DPYS: variants seen among roughly 807,000 people sequenced by gnomAD.
The protein encoded by DPYS is dihydropyrimidinase.
A neutral mutation model predicts 50.3 loss-of-function variants in DPYS; 39 were observed. The observed-to-expected ratio is 0.78, with a 90% CI of 0.60 to 1.01. The LOEUF (loss-of-function observed/expected upper bound fraction) is 1.01, where lower values mean the gene tolerates loss of function less well. Ranked by LOEUF, DPYS falls within the 50% of genes least tolerant of loss-of-function variation. The pLI, the probability that DPYS is intolerant of heterozygous loss-of-function variation, is 0.00. For synonymous variants in DPYS, 245 were observed against 250.7 expected (o/e 0.98, Z 0.22); for missense variants, 659 against 680.9 (o/e 0.97, Z 0.36).
intron 8 of DPYS, among the ~76,000 whole-genome samples, chr8:104,389,538 T>C (rs2140513350): frequency 7.7e-6 from 1 of 130,356 alleles, no homozygotes; most frequent in Middle Eastern, 3.9e-3. Flanking sequence ...TTCTTCCTTT[T>C]ATTTTTTTTT....
chr8:104,458,433 C>A (rs541655445), intron 1 of DPYS, among the ~76,000 whole-genome samples: 1 of 152,290 alleles, frequency 6.6e-6, no homozygotes, highest in South Asian at 2.1e-4. Context: ...ATGTTCTTCC[C>A]TCCTCTACCC....
chr8:104,454,196 G>A (rs1813850683), intron 1 of DPYS, among the ~76,000 whole-genome samples: 1 of 152,072 alleles, frequency 6.6e-6, no homozygotes, highest in Non-Finnish European at 1.5e-5. Context: ...GACAAGCCTG[G>A]CCAACATGGT....
intron 7 of DPYS, among the ~76,000 whole-genome samples, chr8:104,400,602 G>C (rs1758095418): frequency 6.6e-6 from 1 of 152,234 alleles, no homozygotes; most frequent in African/African-American, 2.4e-5. Flanking sequence ...GAGTGAGGCT[G>C]AGTTCCTGGC....
intron 7 of DPYS, among the ~76,000 whole-genome samples, chr8:104,421,870 T>C (rs16892398): frequency 0.02 from 3,065 of 152,308 alleles, 99 homozygotes; most frequent in African/African-American, 0.07. Context: ...GACAATGTTA[T>C]AGAAATCAGT....
intron 8 of DPYS, among the ~76,000 whole-genome samples, chr8:104,389,319 A>C (rs1391219372): frequency 1.3e-5 from 2 of 152,234 alleles, no homozygotes; most frequent in Non-Finnish European, 2.9e-5. Context: ...ACCTCATGTG[A>C]ATTTAAAAAT....
chr8:104,398,312 C>T (rs1298012014), intron 7 of DPYS, among the ~76,000 whole-genome samples: 1 of 152,216 alleles, frequency 6.6e-6, no homozygotes, highest in East Asian at 1.9e-4. Flanking sequence ...ATTCTAGCAG[C>T]AGGATCTGAG....
intron 7 of DPYS, among the ~76,000 whole-genome samples, chr8:104,403,789 C>T (rs1254710402): frequency 6.6e-6 from 1 of 152,168 alleles, no homozygotes; most frequent in Non-Finnish European, 1.5e-5. Flanking sequence ...GGAAAGTCTA[C>T]AGTCAAGCCA....
chr8:104,430,138 C>G (rs896389490), intron 4 of DPYS, among the ~76,000 whole-genome samples: 3 of 152,066 alleles, frequency 2.0e-5, no homozygotes, highest in Non-Finnish European at 4.4e-5. Flanking sequence ...GAATTTGACT[C>G]CAGTGGTTCT....
intron 7 of DPYS, among the ~76,000 whole-genome samples, chr8:104,407,531 T>C (rs1266298991): frequency 1.3e-5 from 2 of 152,090 alleles, no homozygotes; most frequent in African/African-American, 4.8e-5. Context: ...ATACAAAACC[T>C]TTACCCAAAA....
rs1030957643 is a variant in DPYS at position 104,379,841 on chromosome 8, T to C, written c.*17A>G. The C allele has an allele frequency of 4.4e-6, 2 of 456,510 alleles. No homozygotes were observed. Among genetic ancestry groups the C allele is most frequent in the Non-Finnish European group, 8.8e-6 (2 of 226,952 alleles). The allele number at this position is 456,510 out of a possible 1,614,324, so 28.3% of individuals were successfully genotyped here. On this transcript the variant is annotated splice_region_variant and 3_prime_UTR_variant, in exon 10 of 10. Transcript: ENST00000351513. ...GCAGCCTCCTTTCCTCTGATTTTTT[T>C]ACCTTTGAAGAGAATGAAAGGAACT... is the stretch of plus-strand genomic sequence containing the variant.
At chr8:104,386,528 T>TAAA (rs559135189) in intron 8 of DPYS, among the ~76,000 whole-genome samples, 1 of 140,278 alleles carries the variant, frequency 7.1e-6, no homozygotes, top group Non-Finnish European at 1.6e-5. Flanking sequence ...GTGAGACTCT[T>TAAA]AAAAAAAAAA....
chr8:104,405,573 A>G (rs1234637945), intron 7 of DPYS, among the ~76,000 whole-genome samples: 6 of 152,370 alleles, frequency 3.9e-5, no homozygotes, highest in Admixed American at 3.9e-4. Flanking sequence ...AGGCTCTGTC[A>G]GAGCTAGAAG....
chr8:104,462,262 C>A (rs182315772), intron 1 of DPYS, among the ~76,000 whole-genome samples: 11 of 152,316 alleles, frequency 7.2e-5, no homozygotes, highest in Non-Finnish European at 1.0e-4. Context: ...TCAGCCCACA[C>A]AGCTCCTGAA....
At chr8:104,381,372 GTGTAGC>G (rs1811030766) in intron 8 of DPYS, 58 bp from the exon 9 acceptor site, 2 of 1,459,794 alleles carry the variant, frequency 1.4e-6, no homozygotes, top group East Asian at 4.5e-5. Context: ...TCAAAGTTAA[GTGTAGC>G]TCCCTTTATG....
At chr8:104,443,480 T>C (rs575374835) in intron 4 of DPYS, among the ~76,000 whole-genome samples, 8 of 152,358 alleles carry the variant, frequency 5.3e-5, no homozygotes, top group African/African-American at 1.9e-4. Flanking sequence ...GGCTGTCAGA[T>C]GAATCAATTC....
intron 1 of DPYS, among the ~76,000 whole-genome samples, chr8:104,458,023 A>G (rs776401960): frequency 1.3e-5 from 2 of 152,132 alleles, no homozygotes; most frequent in African/African-American, 2.4e-5. Context: ...GGACTAGCAC[A>G]GTGAAGAAAT....
chr8:104,416,327 A>G (rs142250061), intron 7 of DPYS, among the ~76,000 whole-genome samples: 217 of 152,314 alleles, frequency 1.4e-3, no homozygotes, highest in African/African-American at 5.0e-3. Flanking sequence ...CTATCCACAT[A>G]TATCTGTGGT....
In DPYS at chr8:104,392,876, C is replaced by T. The variant is rs377661574; in HGVS notation, c.1351G>A (p.Gly451Arg). 112 of 1,614,046 alleles carry T rather than the reference C, an allele frequency of 6.9e-5. No homozygotes were observed. Among genetic ancestry groups the T allele is most frequent in the South Asian group, 1.1e-4 (10 of 91,090 alleles). Residue 451 changes from glycine (G) to arginine (R), a missense_variant, in exon 8 of 10, where the codon GGA becomes AGA. Transcript: ENST00000351513. ...TCTCCTGCCGTGACACTGAACACTC[C>T]GGCTTCATATACCACTTTGCCTCTT... ...ISRGKVVYEA[G>R]VFSVTAGDGK...
At chr8:104,433,800 C>T (rs1411911217) in intron 4 of DPYS, among the ~76,000 whole-genome samples, 1 of 152,120 alleles carries the variant, frequency 6.6e-6, no homozygotes, top group East Asian at 1.9e-4. Context: ...AGCGTGACTA[C>T]TTGGGAAGAG....
Sources: gnomAD v4.1 joint callset for allele counts (sites outside exome capture counted in the v4.1 genomes callset) on GRCh38, gnomAD v4.1.1 for gene constraint, MANE v1.5 for transcripts, NCBI Gene and HGNC (gene_info 2026-07-23, HGNC 2026-07-21) for gene names.